The following GRIK2 variants were observed in gnomAD, a reference collection of about 807,000 sequenced individuals.
GRIK2 encodes glutamate receptor ionotropic, kainate 2.
A neutral mutation model predicts 100.3 loss-of-function variants in GRIK2; 32 were observed. The ratio of observed to expected loss-of-function variants is 0.32; its 90% confidence interval spans 0.24 to 0.43. GRIK2 has a LOEUF of 0.43. GRIK2 is among the 20% of genes least tolerant of loss of function. GRIK2 has a pLI of 1.00. For synonymous variants in GRIK2, 417 were observed against 389.4 expected (o/e 1.07, Z -0.83); for missense variants, 843 against 1,114.9 (o/e 0.76, Z 3.47).
intron 2 of GRIK2, among the ~76,000 whole-genome samples, chr6:101,515,627 A>T (rs545212487): frequency 6.6e-6 from 1 of 152,130 alleles, no homozygotes; most frequent in Non-Finnish European, 1.5e-5. Context: ...ATAAGGTGGT[A>T]TCCCATTGTG....
intron 2 of GRIK2, among the ~76,000 whole-genome samples, chr6:101,542,460 T>C (rs1776046502): frequency 7.4e-6 from 1 of 134,848 alleles, no homozygotes; most frequent in Non-Finnish European, 1.6e-5. Context: ...AACAGGCGTA[T>C]TTAAAGAATG....
At chr6:102,031,243 T>C (rs1450111912) in intron 14 of GRIK2, among the ~76,000 whole-genome samples, 1 of 150,962 alleles carries the variant, frequency 6.6e-6, no homozygotes, top group African/African-American at 2.4e-5. Context: ...TCCATTGTAG[T>C]CTTAGTGATC....
intron 2 of GRIK2, among the ~76,000 whole-genome samples, chr6:101,609,634 A>C (rs995569479): frequency 6.6e-6 from 1 of 151,796 alleles, no homozygotes; most frequent in African/African-American, 2.4e-5. Flanking sequence ...TTTTGTTTTA[A>C]TACATGAGAC....
chr6:101,529,606 A>G (rs973915203), intron 2 of GRIK2, among the ~76,000 whole-genome samples: 1 of 152,082 alleles, frequency 6.6e-6, no homozygotes, highest in African/African-American at 2.4e-5. Flanking sequence ...TATTCTACAA[A>G]CAAGTTTTGA....
In GRIK2 at chr6:101,703,656, A is replaced by G. The variant is rs1773050468; in HGVS notation, c.951+17303A>G. On this transcript the variant is annotated intron_variant, in intron 7 of 16. Coordinates refer to ENST00000369134, the MANE Select transcript of GRIK2 (RefSeq NM_021956.5). The stretch of plus-strand genomic sequence containing the variant: ...AACCTGAAGAGATACATAAAGTCAC[A>G]TAAATTTTTTTTAAACATTGAATTA... Among the ~76,000 whole-genome samples, 3 of 151,798 alleles carry G rather than the reference A, an allele frequency of 2.0e-5. No individual in the cohort carries two copies. The Admixed American group carries it at 2.0e-4, about 10-fold the overall frequency.
intron 16 of GRIK2, chr6:102,064,044 T>C (rs1359412303): frequency 5.3e-6 from 7 of 1,328,994 alleles, no homozygotes; most frequent in African/African-American, 1.5e-5. Flanking sequence ...AGGTTTTTAA[T>C]AATGGTTAGT....
chr6:101,667,183 C>T (rs1770093629), intron 4 of GRIK2, among the ~76,000 whole-genome samples: 1 of 152,130 alleles, frequency 6.6e-6, no homozygotes, highest in Non-Finnish European at 1.5e-5. Context: ...AGCCGCTCTC[C>T]ATGACTTACC....
chr6:101,776,497 T>C (rs1778756130), intron 7 of GRIK2, among the ~76,000 whole-genome samples: 1 of 152,176 alleles, frequency 6.6e-6, no homozygotes, highest in South Asian at 2.1e-4. Flanking sequence ...ATATGAATGT[T>C]AGCCACAGGA....
chr6:101,526,633 A>G (rs1211273674), intron 2 of GRIK2, among the ~76,000 whole-genome samples: 2 of 152,100 alleles, frequency 1.3e-5, no homozygotes, highest in Non-Finnish European at 2.9e-5. Flanking sequence ...TGCTATAAGG[A>G]AGGGTGGTAG....
intron 2 of GRIK2, among the ~76,000 whole-genome samples, chr6:101,408,357 CATGCAGCAGG>C (rs1184818917): frequency 2.0e-5 from 3 of 150,532 alleles, no homozygotes; most frequent in Non-Finnish European, 3.0e-5. Flanking sequence ...CACATACACA[CATGCAGCAGG>C]GAGGAAGTGA....
In GRIK2 at chr6:101,851,921, G is replaced by A. The variant is rs958533148; in HGVS notation, c.1318-7366G>A. Among the ~76,000 whole-genome samples the A allele has an allele frequency of 1.4e-5, 2 of 145,632 alleles. 1 individual carries two copies. The stretch of plus-strand genomic sequence containing the variant: ...GGATGGGTAAGTGGTCCAGCAGTCA[G>A]CCTGGCTGAGTTGTATACTGGCTGT... On this transcript the variant is annotated intron_variant, in intron 10 of 16. Coordinates refer to ENST00000369134, the MANE Select transcript of GRIK2 (RefSeq NM_021956.5).
chr6:101,431,608 T>C (rs182616572), intron 2 of GRIK2: 1 of 152,276 alleles, frequency 6.6e-6, no homozygotes, highest in African/African-American at 2.4e-5. Context: ...GTGTGTGTGT[T>C]TGGTGTATTT....
chr6:101,983,610 CAAT>C (rs1793844939), intron 14 of GRIK2, among the ~76,000 whole-genome samples: 1 of 151,714 alleles, frequency 6.6e-6, no homozygotes, highest in Non-Finnish European at 1.5e-5. Flanking sequence ...ATATATAACT[CAAT>C]GATAAAAATA....
At chr6:101,500,612 G>A (rs1332771379) in intron 2 of GRIK2, among the ~76,000 whole-genome samples, 2 of 152,156 alleles carry the variant, frequency 1.3e-5, no homozygotes, top group East Asian at 1.9e-4. Flanking sequence ...AGAAGAAAAA[G>A]CGTGAACTTG....
intron 2 of GRIK2, among the ~76,000 whole-genome samples, chr6:101,425,529 C>A (rs1470936304): frequency 1.3e-5 from 2 of 152,036 alleles, no homozygotes; most frequent in Non-Finnish European, 2.9e-5. Context: ...CGTGTTTTTC[C>A]AAAATGCATC....
In GRIK2 at chr6:101,901,968, G is replaced by A. The variant is rs568100354; in HGVS notation, c.1748+12105G>A. On this transcript the variant is annotated intron_variant, in intron 12 of 16. Transcript: ENST00000369134. Reference sequence around the variant, plus strand: ...ACCATGTACATCTGGTAACTTTCTGGTACTAACACTACCAATTAAATAATG... The same window carrying A: ...ACCATGTACATCTGGTAACTTTCTGATACTAACACTACCAATTAAATAATG... Among the ~76,000 whole-genome samples, 12 of 151,764 alleles carry A rather than the reference G, an allele frequency of 7.9e-5. No homozygotes were observed. In the East Asian group the frequency reaches 2.3e-3, roughly 29 times the overall value.
At chr6:101,425,327 C>T (rs1188160015) in intron 2 of GRIK2, among the ~76,000 whole-genome samples, 3 of 152,246 alleles carry the variant, frequency 2.0e-5, no homozygotes, top group Middle Eastern at 3.4e-3. Context: ...TTAATAAATA[C>T]TGTAGAACAA....
intron 2 of GRIK2, among the ~76,000 whole-genome samples, chr6:101,501,952 T>C (rs985168089): frequency 2.0e-5 from 3 of 152,114 alleles, no homozygotes; most frequent in African/African-American, 4.8e-5. Flanking sequence ...AGATGAGGTT[T>C]CAGAATATTG....
At chr6:101,924,869 T>C in intron 13 of GRIK2, 150 bp downstream of exon 13, 1 of 611,488 alleles carries the variant, frequency 1.6e-6, no homozygotes, top group South Asian at 2.0e-5. Context: ...CATTTAGGCC[T>C]TCTCAAATCC....
Sources: allele counts gnomAD v4.1 joint callset (sites outside exome capture counted in the v4.1 genomes callset), GRCh38; gene constraint gnomAD v4.1.1; transcripts MANE v1.5; gene names NCBI Gene and HGNC (gene_info 2026-07-23, HGNC 2026-07-21).